The following ANKRD36C variants were observed in gnomAD, a reference collection of about 807,000 sequenced individuals.
ANKRD36C encodes ankyrin repeat domain-containing protein 36C.
A neutral mutation model predicts 276.4 loss-of-function variants in ANKRD36C; 61 were observed. That is an observed-to-expected ratio of 0.22 (90% confidence interval 0.18 to 0.27). The LOEUF is 0.27. Among genes scored for constraint, ANKRD36C ranks in the 10% least tolerant of loss-of-function variants. ANKRD36C has a pLI of 1.00. For missense variants in ANKRD36C, 1,447 were observed against 2,032.3 expected (o/e 0.71, Z 5.54); for synonymous variants, 483 against 680.1 (o/e 0.71, Z 4.51).
chr2:95,966,177 T>A (rs1678587205), intron 6 of ANKRD36C, among the ~76,000 whole-genome samples: 1 of 152,222 alleles, frequency 6.6e-6, no homozygotes, highest in Non-Finnish European at 1.5e-5. Flanking sequence ...TTTAATTAGA[T>A]CCCATTTGTC....
chr2:95,971,413 T>C (rs1332750988), intron 6 of ANKRD36C, among the ~76,000 whole-genome samples: 2 of 148,428 alleles, frequency 1.3e-5, no homozygotes, highest in Non-Finnish European at 3.0e-5. Flanking sequence ...GAGCTATGCA[T>C]GTGAGGGGGG....
At chr2:95,894,108 A>G (rs1676462185) in intron 44 of ANKRD36C, 1 of 292,012 alleles carries the variant, frequency 3.4e-6, no homozygotes, top group Admixed American at 4.9e-5. Flanking sequence ...TCATGCAACA[A>G]ATCAAAAGGA....
intron 12 of ANKRD36C, 138 bp downstream of exon 12, chr2:95,958,453 C>G: frequency 8.4e-7 from 1 of 1,183,722 alleles, no homozygotes; most frequent in Non-Finnish European, 1.2e-6. Flanking sequence ...CACTCAAGAA[C>G]TTATTACAAA....
intron 56 of ANKRD36C, among the ~76,000 whole-genome samples, chr2:95,881,713 T>A (rs1387480596): frequency 2.0e-5 from 3 of 151,950 alleles, no homozygotes; most frequent in African/African-American, 4.8e-5. Flanking sequence ...AGAAATCAGA[T>A]GATCCGGTAT....
Position 95,916,059 on chromosome 2 carries a change from G to A in ANKRD36C, c.2377-7C>T, listed in dbSNP as rs1268324312. On this transcript the variant is annotated splice_region_variant and splice_polypyrimidine_tract_variant and intron_variant, in intron 37 of 66. Coordinates refer to ENST00000456556, the Ensembl canonical transcript of ANKRD36C. ...CTTTCTCATCACTTGTAGCCTGAAT[G>A]GAATTTGAAACAAAATAATAAATAA... 1 of 1,590,562 alleles carries A rather than the reference G, an allele frequency of 6.3e-7. No individual in the cohort carries two copies. The highest frequency in any genetic ancestry group is 1.7e-5 in the Admixed American group (1 of 57,186).
chr2:95,914,113 C>T (rs1214998797), exon 40 of ANKRD36C: 1 of 1,566,840 alleles, frequency 6.4e-7, no homozygotes, highest in Non-Finnish European at 8.7e-7. Context: ...ATTACCTCTC[C>T]TAGTTTTTTC....
chr2:95,956,056 A>G (rs77320172), intron 13 of ANKRD36C, among the ~76,000 whole-genome samples: 147 of 147,958 alleles, frequency 9.9e-4, no homozygotes, highest in Non-Finnish European at 1.6e-3. Flanking sequence ...AAGCTTCAGC[A>G]AACTAGGCAG....
chr2:95,944,632 C>T, exon 19 of ANKRD36C: 1 of 1,537,164 alleles, frequency 6.5e-7, no homozygotes, highest in Non-Finnish European at 8.7e-7. Flanking sequence ...TTTACCTTAT[C>T]AACATTTTGG....
chr2:95,978,153 T>C, exon 6 of ANKRD36C: 1 of 1,284,076 alleles, frequency 7.8e-7, no homozygotes, highest in Non-Finnish European at 1.1e-6. Context: ...GCTCTTCATG[T>C]TTCTTTCTTT....
chr2:95,977,742 T>C (rs1678842994), intron 6 of ANKRD36C, among the ~76,000 whole-genome samples: 1 of 152,136 alleles, frequency 6.6e-6, no homozygotes, highest in Non-Finnish European at 1.5e-5. Flanking sequence ...TAATTATTGA[T>C]TCATTTAGTA....
intron 10 of ANKRD36C, among the ~76,000 whole-genome samples, chr2:95,960,220 T>C (rs1678424230): frequency 6.6e-6 from 1 of 152,104 alleles, no homozygotes; most frequent in African/African-American, 2.4e-5. Context: ...CCTCAGCCTG[T>C]TGTATCTTGA....
chr2:95,894,538 T>A (rs1333549310), intron 44 of ANKRD36C, among the ~76,000 whole-genome samples: 3 of 151,384 alleles, frequency 2.0e-5, no homozygotes, highest in African/African-American at 7.3e-5. Context: ...ACTCTAGGAC[T>A]TAATTAGAAT....
At chr2:95,859,330 C>T (rs536144475) in intron 61 of ANKRD36C, among the ~76,000 whole-genome samples, 1 of 152,190 alleles carries the variant, frequency 6.6e-6, no homozygotes, top group Admixed American at 6.5e-5. Flanking sequence ...CTGCACCCGG[C>T]TGATAATTTT....
At chr2:95,851,837 A>T (rs1432560012) in intron 65 of ANKRD36C, 50 bp from the exon 86 acceptor site, 1 of 1,494,812 alleles carries the variant, frequency 6.7e-7, no homozygotes, top group East Asian at 2.5e-5. Context: ...TTGTTTTTAA[A>T]TCATGTAAAT....
intron 34 of ANKRD36C, among the ~76,000 whole-genome samples, chr2:95,918,269 T>C (rs1343492829): frequency 6.6e-6 from 1 of 151,636 alleles, no homozygotes; most frequent in Non-Finnish European, 1.5e-5. Flanking sequence ...GTATGATTCG[T>C]CATACGTCGA....
At chr2:95,853,790 C>T (rs1165411282) in exon 64 of ANKRD36C, 1 of 1,606,540 alleles carries the variant, frequency 6.2e-7, no homozygotes, top group African/African-American at 1.3e-5. Context: ...ATGAAGCATC[C>T]AGCAAAGCTT....
At position 95,962,638 on chromosome 2, in the gene ANKRD36C, T is replaced by G. The variant is rs903614936; in HGVS notation, c.800-91A>C. The G allele has an allele frequency of 6.9e-4, 1,025 of 1,483,802 alleles. 10 individuals are homozygous for G. The highest frequency in any genetic ancestry group is 2.4e-4 in the Middle Eastern group (1 of 4,178). The allele number at this position is 1,483,802 out of a possible 1,614,324, so 91.9% of individuals were successfully genotyped here. On this transcript the variant is annotated intron_variant, in intron 6 of 66. Coordinates refer to ENST00000456556, the Ensembl canonical transcript of ANKRD36C. ...GCACTGTTACCATCAAGCTGTATCC[T>G]CCTGCCCCTATTAGTTTAGGTTTTT...
chr2:95,990,250 T>A (rs1168616020), intron 1 of ANKRD36C, among the ~76,000 whole-genome samples: 1 of 152,220 alleles, frequency 6.6e-6, no homozygotes, highest in African/African-American at 2.4e-5. Context: ...AGGCACTTCA[T>A]TTATGAGTAA....
chr2:95,855,344 GTCT>G (rs751415839), exon 63 of ANKRD36C: 49 of 1,610,562 alleles, frequency 3.0e-5, no homozygotes, highest in Non-Finnish European at 3.5e-5. Flanking sequence ...ACATTTTATT[GTCT>G]TCTTCTAGTA....
Sources: gnomAD v4.1 joint callset for allele counts (sites outside exome capture counted in the v4.1 genomes callset) on GRCh38, gnomAD v4.1.1 for gene constraint, MANE v1.5 for transcripts, NCBI Gene and HGNC (gene_info 2026-07-23, HGNC 2026-07-21) for gene names.